SORCS3: variants seen among roughly 807,000 people sequenced by gnomAD.
SORCS3 encodes the protein VPS10 domain-containing receptor SorCS3.
A neutral mutation model predicts 146.3 loss-of-function variants in SORCS3; 57 were observed. The observed-to-expected ratio is 0.39, with a 90% CI of 0.31 to 0.49. The LOEUF (loss-of-function observed/expected upper bound fraction) is 0.49. SORCS3 is among the 20% of genes least tolerant of loss of function. SORCS3 has a pLI of 0.92. For synonymous variants in SORCS3, 653 were observed against 618.5 expected (o/e 1.06, Z -0.83); for missense variants, 1,341 against 1,575.5 (o/e 0.85, Z 2.52).
chr10:105,129,259 C>G (rs1283591612), intron 7 of SORCS3, among the ~76,000 whole-genome samples: 1 of 151,458 alleles, frequency 6.6e-6, no homozygotes, highest in Non-Finnish European at 1.5e-5. Context: ...ACCATATAAG[C>G]TAGATCTCTT....
chr10:105,055,350 G>A (rs1374016113), intron 5 of SORCS3, among the ~76,000 whole-genome samples: 2 of 152,152 alleles, frequency 1.3e-5, no homozygotes, highest in Non-Finnish European at 2.9e-5. Context: ...TAAACTTCAA[G>A]TTATTAGAAG....
intron 2 of SORCS3, among the ~76,000 whole-genome samples, chr10:104,895,845 T>G (rs2018792958): frequency 6.6e-6 from 1 of 152,224 alleles, no homozygotes. Flanking sequence ...TTTGTTTCTC[T>G]GTAAATTTCC....
intron 1 of SORCS3, among the ~76,000 whole-genome samples, chr10:104,712,330 G>A (rs980629295): frequency 4.6e-5 from 7 of 152,136 alleles, no homozygotes; most frequent in African/African-American, 7.2e-5. Context: ...TTTCTGCCAC[G>A]CAGCCTCTCC....
intron 4 of SORCS3, among the ~76,000 whole-genome samples, chr10:105,009,214 G>A (rs2055115975): frequency 6.6e-6 from 1 of 152,118 alleles, no homozygotes; most frequent in South Asian, 2.1e-4. Context: ...ACTAATAGGA[G>A]GAGCTAGTGC....
At chr10:104,675,760 A>G (rs1423291804) in intron 1 of SORCS3, among the ~76,000 whole-genome samples, 1 of 152,222 alleles carries the variant, frequency 6.6e-6, no homozygotes, top group Non-Finnish European at 1.5e-5. Context: ...TCAATACTGT[A>G]GCTTTATAAT....
intron 14 of SORCS3, among the ~76,000 whole-genome samples, chr10:105,183,311 G>T (rs993440758): frequency 1.4e-4 from 21 of 152,090 alleles, no homozygotes; most frequent in Admixed American, 7.2e-4. Context: ...CAAAGTGAAG[G>T]GTAGAAAGAT....
chr10:105,024,613 A>C (rs996795678), intron 4 of SORCS3, among the ~76,000 whole-genome samples: 4 of 152,132 alleles, frequency 2.6e-5, no homozygotes, highest in African/African-American at 9.7e-5. Flanking sequence ...TGAGTTTTGC[A>C]TTTTTGTTTG....
chr10:104,936,070 T>C (rs1005429502), intron 3 of SORCS3, among the ~76,000 whole-genome samples: 2 of 150,970 alleles, frequency 1.3e-5, no homozygotes, highest in African/African-American at 2.5e-5. Context: ...AGTATGACAT[T>C]GCTTTGCAAA....
At chr10:105,085,558 G>C (rs1019747519) in intron 5 of SORCS3, among the ~76,000 whole-genome samples, 1 of 152,184 alleles carries the variant, frequency 6.6e-6, no homozygotes. Context: ...CTGGCCTTAG[G>C]AAGTTTACTG....
intron 1 of SORCS3, among the ~76,000 whole-genome samples, chr10:104,744,782 CT>C (rs1357405413): frequency 6.6e-6 from 1 of 152,226 alleles, no homozygotes; most frequent in Non-Finnish European, 1.5e-5. Flanking sequence ...CAGTTTCCCT[CT>C]TGCCTTTGCT....
At chr10:105,147,905 T>G (rs2119468386) in intron 9 of SORCS3, 109 bp downstream of exon 9, 1 of 893,810 alleles carries the variant, frequency 1.1e-6, no homozygotes, top group South Asian at 1.9e-5. Context: ...GCTGTACCAC[T>G]TAGCAATTGT....
intron 1 of SORCS3, among the ~76,000 whole-genome samples, chr10:104,787,962 A>G (rs1251275440): frequency 6.6e-6 from 1 of 152,182 alleles, no homozygotes; most frequent in Non-Finnish European, 1.5e-5. Context: ...TCTCAAATTG[A>G]GAAGCCCATC....
chr10:104,976,152 T>A (rs1185918550), intron 3 of SORCS3, among the ~76,000 whole-genome samples: 4 of 152,100 alleles, frequency 2.6e-5, no homozygotes, highest in East Asian at 3.9e-4. Context: ...AATTTTCGCA[T>A]CCTACTCATC....
chr10:104,946,162 T>G (rs768008279), intron 3 of SORCS3, among the ~76,000 whole-genome samples: 1 of 151,832 alleles, frequency 6.6e-6, no homozygotes, highest in African/African-American at 2.4e-5. Context: ...GCACAATAAA[T>G]GACAGGTGGT....
intron 20 of SORCS3, among the ~76,000 whole-genome samples, chr10:105,240,816 A>G (rs926763137): frequency 6.6e-6 from 1 of 152,144 alleles, no homozygotes; most frequent in Non-Finnish European, 1.5e-5. Flanking sequence ...CCCCCTTCTC[A>G]GTCAATCTCC....
chr10:104,728,856 G>C (rs1282320331), intron 1 of SORCS3, among the ~76,000 whole-genome samples: 1 of 152,128 alleles, frequency 6.6e-6, no homozygotes, highest in Non-Finnish European at 1.5e-5. Flanking sequence ...GGGTAGATTA[G>C]GAATAATGAA....
chr10:104,778,126 T>G (rs2017330579), intron 1 of SORCS3, among the ~76,000 whole-genome samples: 1 of 152,176 alleles, frequency 6.6e-6, no homozygotes, highest in South Asian at 2.1e-4. Flanking sequence ...ATTGGAGTGT[T>G]GCCAACACAA....
intron 1 of SORCS3, among the ~76,000 whole-genome samples, chr10:104,811,335 C>G (rs1223974608): frequency 1.3e-5 from 2 of 152,220 alleles, no homozygotes; most frequent in African/African-American, 4.8e-5. Context: ...TGCAAGAGAA[C>G]AGAACTTGCC....
rs766963742 is a variant in SORCS3, at chr10:105,255,693, T to C, written c.3238-9T>C. ...ATGTCACCCCATGCATCCTGTCTTATTTTTTCAGATTGTAGAAACACTGTT... is the reference window on the plus strand; with the variant it reads ...ATGTCACCCCATGCATCCTGTCTTACTTTTTCAGATTGTAGAAACACTGTT... On this transcript the variant is annotated splice_polypyrimidine_tract_variant and intron_variant, in intron 23 of 26. Coordinates refer to ENST00000369701, the MANE Select transcript of SORCS3 (RefSeq NM_014978.3). The C allele has an allele frequency of 1.2e-6, 2 of 1,605,032 alleles. No homozygotes were observed. Among genetic ancestry groups the C allele is most frequent in the South Asian group, 1.1e-5 (1 of 90,636 alleles).
Sources: gnomAD v4.1 joint callset for allele counts (sites outside exome capture counted in the v4.1 genomes callset) on GRCh38, gnomAD v4.1.1 for gene constraint, MANE v1.5 for transcripts, NCBI Gene and HGNC (gene_info 2026-07-23, HGNC 2026-07-21) for gene names.